SPATS2L: variants seen among roughly 807,000 people sequenced by gnomAD.
SPATS2L encodes SPATS2-like protein.
SPATS2L carries 30 observed loss-of-function variants against 59.6 expected under a neutral mutation model. The ratio of observed to expected loss-of-function variants is 0.50; its 90% CI spans 0.38 to 0.68. The LOEUF (loss-of-function observed/expected upper bound fraction) is 0.68, where lower values mean the gene tolerates loss of function less well. SPATS2L is among the 30% of genes least tolerant of loss of function. The pLI is 0.00. For missense variants in SPATS2L, 615 were observed against 700.0 expected (o/e 0.88, Z 1.37); for synonymous variants, 252 against 263.5 (o/e 0.96, Z 0.42).
Position 200,440,731 on chromosome 2 carries a change from A to G in SPATS2L, c.735A>G (p.Glu245=). ...GATATCGCGTCATGATTAAGGAAGA[A>G]GTGGATAGTTCCGTGAAGAAGATCA... ...LTRYRVMIKE[E]VDSSVKKIKA... is the part of the protein sequence containing the mutation. Residue 245 remains glutamate, a synonymous_variant, in exon 8 of 13, where the codon GAA becomes GAG. Coordinates refer to ENST00000409140, the MANE Select transcript of SPATS2L (RefSeq NM_001100423.2). 6.8e-6 allele frequency: 11 copies of G among 1,613,698 alleles called. No individual in the cohort carries two copies. Among genetic ancestry groups the G allele is most frequent in the Non-Finnish European group, 9.3e-6 (11 of 1,179,680 alleles).
intron 6 of SPATS2L, among the ~76,000 whole-genome samples, chr2:200,429,457 G>A (rs563881091): frequency 1.1e-4 from 17 of 152,298 alleles, no homozygotes; most frequent in Admixed American, 3.3e-4. Flanking sequence ...CCAGAGGAAC[G>A]TGCAGCCTTG....
intron 3 of SPATS2L, among the ~76,000 whole-genome samples, chr2:200,394,923 A>G (rs2082285366): frequency 6.6e-6 from 1 of 152,200 alleles, no homozygotes; most frequent in African/African-American, 2.4e-5. Flanking sequence ...GCTGCATGAA[A>G]TAAAAAAATA....
At chr2:200,419,830 C>T (rs2083236650) in intron 6 of SPATS2L, among the ~76,000 whole-genome samples, 1 of 151,476 alleles carries the variant, frequency 6.6e-6, no homozygotes, top group Non-Finnish European at 1.5e-5. Context: ...CCTGCCTTGG[C>T]ATCCCAAAGT....
chr2:200,404,417 C>T (rs886151243), intron 3 of SPATS2L, among the ~76,000 whole-genome samples: 1 of 152,172 alleles, frequency 6.6e-6, no homozygotes, highest in Non-Finnish European at 1.5e-5. Flanking sequence ...TTTGTCAGCT[C>T]GTTGGATGCA....
intron 2 of SPATS2L, among the ~76,000 whole-genome samples, chr2:200,388,809 T>C (rs1574357778): frequency 6.6e-6 from 1 of 152,086 alleles, no homozygotes. Context: ...ATAGGAGAGA[T>C]ATATTCAATA....
chr2:200,418,375 C>T (rs947469887), intron 5 of SPATS2L, among the ~76,000 whole-genome samples: 1 of 151,972 alleles, frequency 6.6e-6, no homozygotes, highest in African/African-American at 2.4e-5. Context: ...AAGTTTGAGA[C>T]CAGCTTGAGC....
chr2:200,449,913 G>A (rs1051379598), intron 8 of SPATS2L, among the ~76,000 whole-genome samples: 39 of 152,092 alleles, frequency 2.6e-4, no homozygotes, highest in African/African-American at 7.7e-4. Context: ...AAGGCTGTAC[G>A]TGAAGCCAAT....
At chr2:200,320,337 A>G (rs1351821750) in intron 1 of SPATS2L, among the ~76,000 whole-genome samples, 8 of 152,220 alleles carry the variant, frequency 5.3e-5, no homozygotes, top group Non-Finnish European at 1.2e-4. Context: ...CTTATTTTTA[A>G]TGTATCTAAG....
At chr2:200,332,688 T>C (rs185917346) in intron 2 of SPATS2L, among the ~76,000 whole-genome samples, 289 of 152,122 alleles carry the variant, frequency 1.9e-3, no homozygotes, top group Non-Finnish European at 3.5e-3. Context: ...TAGTTAATTA[T>C]GATTTCTTAA....
chr2:200,391,734 T>C (rs1390679302), intron 3 of SPATS2L, among the ~76,000 whole-genome samples: 1 of 152,224 alleles, frequency 6.6e-6, no homozygotes, highest in Non-Finnish European at 1.5e-5. Context: ...GTCAGACTTG[T>C]CTTGGTCAAA....
intron 3 of SPATS2L, among the ~76,000 whole-genome samples, chr2:200,407,155 T>C: frequency 6.6e-6 from 1 of 151,828 alleles, no homozygotes; most frequent in Middle Eastern, 3.2e-3. Flanking sequence ...AAATTCTATA[T>C]GAAACACTTT....
At chr2:200,457,953 A>G (rs1434220948) in intron 8 of SPATS2L, among the ~76,000 whole-genome samples, 2 of 152,258 alleles carry the variant, frequency 1.3e-5, no homozygotes, top group East Asian at 3.8e-4. Flanking sequence ...TGATGGAACA[A>G]TCTGAGAGTA....
chr2:200,357,138 A>G (rs2080942514), intron 2 of SPATS2L, among the ~76,000 whole-genome samples: 1 of 152,232 alleles, frequency 6.6e-6, no homozygotes, highest in South Asian at 2.1e-4. Flanking sequence ...CTTGAGAACT[A>G]TAATGTCATC....
chr2:200,345,386 A>G (rs2080478077), intron 2 of SPATS2L, among the ~76,000 whole-genome samples: 1 of 152,140 alleles, frequency 6.6e-6, no homozygotes, highest in African/African-American at 2.4e-5. Context: ...GATAACTGAG[A>G]GACTTTATAT....
chr2:200,360,690 A>G (rs1265181966), intron 2 of SPATS2L, among the ~76,000 whole-genome samples: 1 of 152,078 alleles, frequency 6.6e-6, no homozygotes, highest in African/African-American at 2.4e-5. Flanking sequence ...GATTTCCTCT[A>G]AATAAATAAG....
At chr2:200,358,042 T>G (rs2080974901) in intron 2 of SPATS2L, among the ~76,000 whole-genome samples, 3 of 152,172 alleles carry the variant, frequency 2.0e-5, no homozygotes, top group Non-Finnish European at 4.4e-5. Flanking sequence ...AGAGTCATGT[T>G]CTGAAATTTT....
At chr2:200,470,132 G>T (rs2086913513) in intron 11 of SPATS2L, 116 bp downstream of exon 11, 5 of 706,984 alleles carry the variant, frequency 7.1e-6, no homozygotes, top group Non-Finnish European at 9.5e-6. Flanking sequence ...GAGGTCTAAA[G>T]AGATTTAATG....
Position 200,479,059 on chromosome 2 carries a change from C to T in SPATS2L, c.*1028C>T, listed in dbSNP as rs567122397. On this transcript the variant is annotated 3_prime_UTR_variant, in exon 13 of 13. Transcript: ENST00000409140. ...CTGGGATTACAGGCATGTGCCACCACGCCCTGCTAATTTTTATATTATTAG... is the reference window on the plus strand; with the variant it reads ...CTGGGATTACAGGCATGTGCCACCATGCCCTGCTAATTTTTATATTATTAG... 6.0e-4 allele frequency: 91 copies of T among 152,422 alleles called. No homozygotes were observed. The highest frequency in any genetic ancestry group is 3.4e-3 in the Middle Eastern group (1 of 294). The allele number at this position is 152,422 out of a possible 1,614,324, so 9.4% of individuals were successfully genotyped here.
chr2:200,457,338 A>G (rs986651397), intron 8 of SPATS2L, among the ~76,000 whole-genome samples: 4 of 152,068 alleles, frequency 2.6e-5, no homozygotes, highest in African/African-American at 9.7e-5. Context: ...TATTGACTCA[A>G]CCCGGCATTT....
Sources: gnomAD v4.1 joint callset for allele counts (sites outside exome capture counted in the v4.1 genomes callset) on GRCh38, gnomAD v4.1.1 for gene constraint, MANE v1.5 for transcripts, NCBI Gene and HGNC (gene_info 2026-07-23, HGNC 2026-07-21) for gene names.